IP6K2: variants seen among roughly 807,000 people sequenced by gnomAD.
IP6K2 encodes the protein ATP:1D-myo-inositol-hexakisphosphate phosphotransferase.
IP6K2 carries 9 observed loss-of-function variants against 43.3 expected under a neutral mutation model. That is an observed-to-expected ratio of 0.21 (90% confidence interval 0.13 to 0.36). IP6K2 has a LOEUF of 0.36. Among genes scored for constraint, IP6K2 ranks in the 10% least tolerant of loss-of-function variants. The pLI, the probability that IP6K2 is intolerant of heterozygous loss-of-function variation, is 1.00. For missense variants in IP6K2, 332 were observed against 538.4 expected, an observed-to-expected ratio of 0.62 and a Z score of 3.79; for synonymous variants, 209 against 202.4, an observed-to-expected ratio of 1.03 and a Z score of -0.28.
chr3:48,713,376 A>G (rs550785299), intron 1 of IP6K2, among the ~76,000 whole-genome samples: 3 of 152,186 alleles, frequency 2.0e-5, no homozygotes, highest in Non-Finnish European at 4.4e-5. Context: ...AAGGTAGAGT[A>G]ATATGGCCTG....
intron 4 of IP6K2, among the ~76,000 whole-genome samples, chr3:48,690,519 G>A (rs576513392): frequency 1.3e-5 from 2 of 152,260 alleles, no homozygotes; most frequent in South Asian, 2.1e-4. Flanking sequence ...GCTGGGCGTG[G>A]TGGTTCATGC....
intron 1 of IP6K2, among the ~76,000 whole-genome samples, chr3:48,713,783 T>G: frequency 6.7e-6 from 1 of 148,806 alleles, no homozygotes. Flanking sequence ...AGAGTGACAT[T>G]TTTTCAAAAA....
Position 48,693,130 on chromosome 3 carries a change from T to A in IP6K2, c.252A>T (p.Leu84=). The A allele has an allele frequency of 6.2e-7, 1 of 1,614,264 alleles. No homozygotes were observed. Among genetic ancestry groups the A allele is most frequent in the South Asian group, 1.1e-5 (1 of 91,086 alleles). ...FEEDEDRNLC[L]IAYPLKGDHG... is the part of the protein sequence containing the mutation. ...GGTCCCCTTTCAATGGATATGCTAT[T>A]AGACACAAGTTCCTGTCTTCATCTT... The change falls in exon 3 of 6, where the codon CTA becomes CTT. Residue 84 remains leucine (L), a synonymous_variant. Coordinates refer to ENST00000328631, the MANE Select transcript of IP6K2 (RefSeq NM_016291.4).
intron 1 of IP6K2, among the ~76,000 whole-genome samples, chr3:48,710,535 G>A (rs2080364013): frequency 6.6e-6 from 1 of 152,218 alleles, no homozygotes; most frequent in African/African-American, 2.4e-5. Flanking sequence ...TTGAGCGTGA[G>A]ATAAATCATC....
intron 2 of IP6K2, chr3:48,693,989 ACAAACG>A: frequency 1.5e-5 from 20 of 1,377,478 alleles, no homozygotes; most frequent in Admixed American, 1.1e-4. Flanking sequence ...CGAGCGCCTT[ACAAACG>A]ACTGGCTGAA....
chr3:48,704,479 T>C lies in IP6K2; in HGVS notation c.-130-9058A>G, dbSNP rs536589626. Reference sequence around the variant, plus strand: ...AGGAGAAAATGCTTATGATACACTTTTTTTTTTTTTTGAGACAGGGTCTCC... The same window carrying C: ...AGGAGAAAATGCTTATGATACACTTCTTTTTTTTTTTGAGACAGGGTCTCC... On this transcript the variant is annotated intron_variant, in intron 1 of 5. Transcript: ENST00000328631. 3.3e-5 allele frequency among the ~76,000 whole-genome samples: 5 copies of C among 151,670 alleles called. No homozygotes were observed. In the East Asian group the frequency reaches 5.8e-4, roughly 18 times the overall value.
At position 48,695,697 on chromosome 3, in the gene IP6K2, G is replaced by A. The variant is rs535121003; in HGVS notation, c.-130-276C>T. 8 of 340,508 alleles carry A rather than the reference G, an allele frequency of 2.3e-5. No individual in the cohort carries two copies. Among genetic ancestry groups the A allele is most frequent in the Non-Finnish European group, 4.2e-5 (8 of 189,902 alleles). 21.1% of individuals were successfully genotyped at this position (340,508 alleles called of 1,614,324 possible). A position where few individuals can be genotyped will look rare whatever the true frequency, so the allele number is the denominator to read the frequency against. ...ACTACGGTGTTAGAAAGCCACTGCCGCAGGCAAAACTGATGCCATGGTGAG... is the reference window on the plus strand; with the variant it reads ...ACTACGGTGTTAGAAAGCCACTGCCACAGGCAAAACTGATGCCATGGTGAG... On this transcript the variant is annotated intron_variant, in intron 1 of 5. Coordinates refer to ENST00000328631, the MANE Select transcript of IP6K2 (RefSeq NM_016291.4). The surrounding 1 kb of genome is among the most constrained non-coding windows in gnomAD (Gnocchi z 4.6).
rs2077642261 is a variant in IP6K2, at chr3:48,690,178, A to G, written c.605-465T>C. On this transcript the variant is annotated intron_variant, in intron 4 of 5. Transcript: ENST00000328631. ...TGTGCACTAAAAAGGTCTAGAAACA[A>G]TAACCAGAAATAATGAGTGTCTCTG... 2.0e-5 allele frequency among the ~76,000 whole-genome samples: 3 copies of G among 152,242 alleles called. No individual in the cohort carries two copies. In the South Asian group the frequency reaches 6.2e-4, roughly 31 times the overall value.
intron 4 of IP6K2, 152 bp from the exon 5 acceptor site, chr3:48,689,865 G>A (rs1455336097): frequency 1.6e-6 from 1 of 640,648 alleles, no homozygotes; most frequent in Admixed American, 3.0e-5. Flanking sequence ...AGGGAGTCCA[G>A]AGCTGACTAT....
chr3:48,715,429 G>C (rs781177720), intron 1 of IP6K2: 2 of 1,536,218 alleles, frequency 1.3e-6, no homozygotes, highest in African/African-American at 1.4e-5. Flanking sequence ...GACTGGCAAA[G>C]GTTCATCAGT....
chr3:48,694,054 G>A, intron 2 of IP6K2: 1 of 1,453,924 alleles, frequency 6.9e-7, no homozygotes, highest in Non-Finnish European at 9.1e-7. Context: ...AATCTGCTCA[G>A]TCCTCGACTG....
chr3:48,694,514 T>C (rs1464903201), intron 2 of IP6K2: 1 of 1,538,910 alleles, frequency 6.5e-7, no homozygotes, highest in East Asian at 2.4e-5. Context: ...TGCTGGTGGC[T>C]GCTGATGTCC....
intron 1 of IP6K2, among the ~76,000 whole-genome samples, chr3:48,711,141 G>A (rs2080467435): frequency 1.3e-5 from 2 of 152,112 alleles, no homozygotes; most frequent in Admixed American, 1.3e-4. Context: ...GAACTCCTGG[G>A]ATTAAATGAT....
intron 1 of IP6K2, among the ~76,000 whole-genome samples, chr3:48,704,310 C>G (rs2079431333): frequency 6.6e-6 from 1 of 152,142 alleles, no homozygotes; most frequent in South Asian, 2.1e-4. Flanking sequence ...ATCAGGACAT[C>G]TATCATCCTT....
In IP6K2 at chr3:48,692,980, C is replaced by T; in HGVS notation, c.402G>A (p.Gln134=). 6.2e-7 allele frequency: 1 copy of T among 1,613,890 alleles called. No homozygotes were observed. Among genetic ancestry groups the T allele is most frequent in the Non-Finnish European group, 8.5e-7 (1 of 1,179,848 alleles). Residue 134 remains glutamine (Q), a synonymous_variant, in exon 3 of 6, where the codon CAG becomes CAA. Transcript: ENST00000328631. ...TEKTPKDWVR[Q]HRKEEKMKSH... is the part of the protein sequence containing the mutation. ...TCTTCATTTTCTCCTCTTTACGGTGCTGACGCACCCAGTCCTTAGGGGTCT... is the reference window on the plus strand; with the variant it reads ...TCTTCATTTTCTCCTCTTTACGGTGTTGACGCACCCAGTCCTTAGGGGTCT...
chr3:48,712,877 G>A (rs571673340), intron 1 of IP6K2, among the ~76,000 whole-genome samples: 1 of 152,174 alleles, frequency 6.6e-6, no homozygotes, highest in South Asian at 2.1e-4. Flanking sequence ...CCCAGGCGTG[G>A]TGGCAGATGC....
intron 1 of IP6K2, among the ~76,000 whole-genome samples, chr3:48,714,147 C>A (rs893858065): frequency 8.5e-5 from 13 of 152,132 alleles, no homozygotes; most frequent in African/African-American, 2.7e-4. Flanking sequence ...AAACAAAAAA[C>A]CCCTGAATCT....
At chr3:48,694,948 G>A (rs2078157678) in intron 2 of IP6K2, 142 bp downstream of exon 2, 1 of 1,571,820 alleles carries the variant, frequency 6.4e-7, no homozygotes, top group South Asian at 1.1e-5. Context: ...TGAGGGCCAG[G>A]AGGAGGAGAA....
intron 1 of IP6K2, among the ~76,000 whole-genome samples, chr3:48,701,567 CAAAAAAAAAAAAAAAA>C (rs67509214): frequency 4.2e-5 from 2 of 47,448 alleles, no homozygotes; most frequent in African/African-American, 1.9e-4. Flanking sequence ...GACTCCGTCT[CAAAAAAAAAAAAAAAA>C]AAAAAAAAAA....
Sources: gnomAD v4.1 joint callset for allele counts (sites outside exome capture counted in the v4.1 genomes callset) on GRCh38, gnomAD v4.1.1 for gene constraint, Gnocchi (gnomAD v3.1) non-coding constraint, MANE v1.5 for transcripts, NCBI Gene and HGNC (gene_info 2026-07-23, HGNC 2026-07-21) for gene names.